The following SHROOM2 variants were observed in gnomAD, a reference collection of about 807,000 sequenced individuals.
SHROOM2 encodes the protein shroom family member 2, also known as protein Shroom2.
A neutral mutation model predicts 75.9 loss-of-function variants in SHROOM2; 33 were observed. The observed-to-expected ratio is 0.43, with a 90% CI of 0.33 to 0.58. SHROOM2 has a LOEUF of 0.58. SHROOM2 is among the 20% of genes least tolerant of loss of function. SHROOM2 has a pLI of 0.04. For synonymous variants in SHROOM2, 655 were observed against 663.6 expected (o/e 0.99, Z 0.20); for missense variants, 1,434 against 1,461.2 (o/e 0.98, Z 0.30).
chrX:9,815,624 T>C (rs1330891516), intron 1 of SHROOM2, among the ~76,000 whole-genome samples: 1 of 96,048 alleles, frequency 1.0e-5, no homozygotes, highest in East Asian at 3.7e-4. Flanking sequence ...GTTTATTAAG[T>C]ATTACATCCC....
chrX:9,907,920 G>C (rs2084400366), intron 5 of SHROOM2, among the ~76,000 whole-genome samples: 1 of 112,183 alleles, frequency 8.9e-6, no homozygotes, highest in Admixed American at 9.4e-5. Context: ...TCTGCCATCT[G>C]GTCCTTTACA....
At chrX:9,838,673 C>CAA (rs986758635) in intron 1 of SHROOM2, among the ~76,000 whole-genome samples, 11 of 111,833 alleles carry the variant, frequency 9.8e-5, no homozygotes, top group African/African-American at 3.2e-4. Context: ...AAGCAAGAAA[C>CAA]AAAAAGCCTT....
intron 1 of SHROOM2, among the ~76,000 whole-genome samples, chrX:9,851,041 C>T (rs771627726): frequency 1.8e-5 from 2 of 110,779 alleles, no homozygotes; most frequent in South Asian, 7.8e-4. Flanking sequence ...CAGAGTCTCA[C>T]TCTGTCACCC....
At chrX:9,863,216 C>T (rs1486763230) in intron 1 of SHROOM2, among the ~76,000 whole-genome samples, 1 of 111,699 alleles carries the variant, frequency 9.0e-6, no homozygotes, top group Admixed American at 9.5e-5. Flanking sequence ...GGACAGTCAG[C>T]TTGCCTTCCG....
intron 2 of SHROOM2, among the ~76,000 whole-genome samples, chrX:9,882,178 C>CTT (rs386416608): frequency 0.24 from 17,271 of 70,928 alleles, 3,070 homozygotes; most frequent in African/African-American, 0.51. Flanking sequence ...TCCCTTGTTG[C>CTT]TTTTTTTTTT....
At chrX:9,822,841 G>A (rs1486624363) in intron 1 of SHROOM2, among the ~76,000 whole-genome samples, 2 of 111,974 alleles carry the variant, frequency 1.8e-5, no homozygotes, top group African/African-American at 6.5e-5. Flanking sequence ...CCGGGCAGGA[G>A]CGGACCTCCC....
At chrX:9,792,097 A>G (rs865976396) in intron 1 of SHROOM2, among the ~76,000 whole-genome samples, 1 of 16,001 alleles carries the variant, frequency 6.2e-5, no homozygotes, top group Non-Finnish European at 1.5e-4. Context: ...AATAGAATAG[A>G]ATAGAATAGA....
rs753485515 is a variant in SHROOM2, at chrX:9,894,801, T to G, written c.893T>G (p.Phe298Cys). ...PKLAAPGRSN[F>C]GPVWYVPDKK... ...CTGGCTGCCCCTGGGAGGTCCAATT[T>G]TGGGCCAGTCTGGTATGTTCCCGAT... The change falls in exon 4 of 10, where the codon TTT becomes TGT. Residue 298 changes from phenylalanine (F) to cysteine (C), a missense_variant. Phe to Cys is a radical substitution (Grantham distance 205). Coordinates refer to ENST00000380913, the MANE Select transcript of SHROOM2 (RefSeq NM_001649.4). 2 of 1,211,622 alleles carry G rather than the reference T, an allele frequency of 1.7e-6. No individual in the cohort carries two copies. Among genetic ancestry groups the G allele is most frequent in the Non-Finnish European group, 2.2e-6 (2 of 895,442 alleles).
At chrX:9,878,948 T>C (rs1486823387) in intron 2 of SHROOM2, among the ~76,000 whole-genome samples, 3 of 112,214 alleles carry the variant, frequency 2.7e-5, no homozygotes, top group Non-Finnish European at 5.6e-5. Flanking sequence ...TGTGCTTATT[T>C]TCTTGTTAAA....
At chrX:9,792,992 G>A (rs1351570807) in intron 1 of SHROOM2, among the ~76,000 whole-genome samples, 9 of 111,817 alleles carry the variant, frequency 8.0e-5, no homozygotes, top group African/African-American at 2.9e-4. Context: ...TTATAGGCAT[G>A]AGCCATCGTG....
intron 1 of SHROOM2, among the ~76,000 whole-genome samples, chrX:9,823,167 C>CTTCTTCTT (rs2083868463): frequency 1.1e-4 from 3 of 28,568 alleles, no homozygotes; most frequent in Non-Finnish European, 1.4e-4. Flanking sequence ...TTCTTCTTTT[C>CTTCTTCTT]TTCTTCTTCT....
chrX:9,941,605 T>C (rs1452037079), intron 8 of SHROOM2, among the ~76,000 whole-genome samples: 2 of 111,564 alleles, frequency 1.8e-5, no homozygotes, highest in African/African-American at 6.5e-5. Flanking sequence ...CTGAGGTAGG[T>C]TTTGAGGGCA....
chrX:9,826,648 G>A (rs1453979939), intron 1 of SHROOM2, among the ~76,000 whole-genome samples: 2 of 110,779 alleles, frequency 1.8e-5, no homozygotes, highest in South Asian at 3.9e-4. Flanking sequence ...GGTGGTGCAC[G>A]CCTGTAGTCC....
chrX:9,848,348 C>CA, intron 1 of SHROOM2, among the ~76,000 whole-genome samples: 1 of 98,680 alleles, frequency 1.0e-5, no homozygotes, highest in African/African-American at 3.7e-5. Flanking sequence ...ACTAAAAATA[C>CA]AAAAAATTAG....
chrX:9,880,448 C>T (rs1394058213), intron 2 of SHROOM2, among the ~76,000 whole-genome samples: 1 of 113,416 alleles, frequency 8.8e-6, no homozygotes, highest in Non-Finnish European at 1.9e-5. Context: ...CTGCACTGGC[C>T]GCTTTGTCCA....
At chrX:9,946,041 C>T (rs1298793083) in intron 9 of SHROOM2, among the ~76,000 whole-genome samples, 1 of 112,921 alleles carries the variant, frequency 8.9e-6, no homozygotes, top group Non-Finnish European at 1.9e-5. Context: ...CTTCTGCACT[C>T]AGCCGAGTGC....
intron 1 of SHROOM2, among the ~76,000 whole-genome samples, chrX:9,801,233 G>A (rs2083722612): frequency 8.9e-6 from 1 of 111,884 alleles, no homozygotes; most frequent in African/African-American, 3.3e-5. Flanking sequence ...GAACAGTATG[G>A]GGGAAACTGC....
At chrX:9,845,044 T>G (rs1406208019) in intron 1 of SHROOM2, among the ~76,000 whole-genome samples, 1 of 110,430 alleles carries the variant, frequency 9.1e-6, no homozygotes, top group East Asian at 2.8e-4. Flanking sequence ...ATGTTTTCTG[T>G]TTGGGCCACT....
Position 9,896,437 on chromosome X carries a change from G to A in SHROOM2, c.2529G>A (p.Ser843=), listed in dbSNP as rs768608149. The A allele has an allele frequency of 7.4e-6, 9 of 1,211,790 alleles. No individual in the cohort carries two copies. In the East Asian group the frequency reaches 1.2e-4, roughly 16 times the overall value. Residue 843 remains serine, a synonymous_variant, in exon 4 of 10, where the codon TCG becomes TCA. Transcript: ENST00000380913. ...GRTCEGTEPW[S]RTTSLGDSLN... The stretch of plus-strand genomic sequence containing the variant: ...CATGTGAGGGCACGGAGCCCTGGTC[G>A]CGCACCACCTCCCTTGGGGACAGCC...
Sources: allele counts gnomAD v4.1 joint callset (sites outside exome capture counted in the v4.1 genomes callset), GRCh38; gene constraint gnomAD v4.1.1; transcripts MANE v1.5; gene names NCBI Gene and HGNC (gene_info 2026-07-23, HGNC 2026-07-21).